Variants in RIN2 observed in about 807,000 individuals in gnomAD.
The protein encoded by RIN2 is Ras and Rab interactor 2.
Under a neutral mutation model 78.0 loss-of-function variants are expected in RIN2, and 36 were observed. The observed-to-expected ratio is 0.46, with a 90% CI of 0.35 to 0.61. The LOEUF is 0.61. Ranked by LOEUF, RIN2 falls within the 20% of genes least tolerant of loss-of-function variation. RIN2 has a pLI of 0.00. For synonymous variants in RIN2, 466 were observed against 466.8 expected, an observed-to-expected ratio of 1.00 and a Z score of 0.02; for missense variants, 1,087 against 1,159.7, an observed-to-expected ratio of 0.94 and a Z score of 0.91.
intron 2 of RIN2, among the ~76,000 whole-genome samples, chr20:19,821,313 C>T (rs1005363943): frequency 2.0e-5 from 3 of 152,168 alleles, no homozygotes; most frequent in Non-Finnish European, 4.4e-5. Context: ...CCACTATCCA[C>T]TCAAGTTTCC....
chr20:19,789,666 A>G (rs2034826963), intron 1 of RIN2, among the ~76,000 whole-genome samples: 1 of 152,124 alleles, frequency 6.6e-6, no homozygotes, highest in South Asian at 2.1e-4. Context: ...GCCTCCTCCC[A>G]TGGGGTCGTA....
rs146226390 is a variant in RIN2, at chr20:19,983,736, G to A, written c.1763-6270G>A. On this transcript the variant is annotated intron_variant, in intron 9 of 12. Coordinates refer to ENST00000255006, the MANE Select transcript of RIN2 (RefSeq NM_018993.4). Reference sequence around the variant, plus strand: ...CAGAATTCTAACATGCATATGTTGCGTAGTGATGAAGTCTGGGCTTCTGGT... The same window carrying A: ...CAGAATTCTAACATGCATATGTTGCATAGTGATGAAGTCTGGGCTTCTGGT... 4.5e-3 allele frequency among the ~76,000 whole-genome samples: 691 copies of A among 152,142 alleles called. 6 individuals carry two copies. The highest frequency in any genetic ancestry group is 0.015 in the African/African-American group (609 of 41,472).
At chr20:19,823,984 G>T in intron 2 of RIN2, 2 of 1,286,146 alleles carry the variant, frequency 1.6e-6, no homozygotes, top group Non-Finnish European at 2.2e-6. Context: ...GATTCAGGAC[G>T]ACCGAAGAAA....
chr20:19,904,262 A>AT (rs1568592300), intron 3 of RIN2, among the ~76,000 whole-genome samples: 3 of 147,266 alleles, frequency 2.0e-5, no homozygotes, highest in African/African-American at 7.4e-5. Context: ...TATATATATA[A>AT]AATATATATA....
At chr20:19,776,351 T>A (rs541882935) in intron 1 of RIN2, among the ~76,000 whole-genome samples, 7 of 152,180 alleles carry the variant, frequency 4.6e-5, no homozygotes, top group Non-Finnish European at 8.8e-5. Flanking sequence ...GAGGCTTTAT[T>A]TGCATGACAA....
chr20:19,928,101 C>A (rs1206076914), intron 3 of RIN2, among the ~76,000 whole-genome samples: 1 of 152,190 alleles, frequency 6.6e-6, no homozygotes, highest in Non-Finnish European at 1.5e-5. Flanking sequence ...CAGGGTTTCA[C>A]CATGTTGGCC....
chr20:19,953,808 A>G (rs1270974077), intron 4 of RIN2, among the ~76,000 whole-genome samples: 3 of 152,194 alleles, frequency 2.0e-5, no homozygotes, highest in Non-Finnish European at 4.4e-5. Flanking sequence ...TATGAAAGGA[A>G]TTTTAACACC....
At chr20:19,939,626 A>T (rs898372427) in intron 4 of RIN2, among the ~76,000 whole-genome samples, 9 of 152,010 alleles carry the variant, frequency 5.9e-5, no homozygotes, top group African/African-American at 1.9e-4. Flanking sequence ...CTTCTCTAGC[A>T]TTCTCTCCCC....
At chr20:19,913,861 G>A (rs1378626958) in intron 3 of RIN2, among the ~76,000 whole-genome samples, 1 of 152,188 alleles carries the variant, frequency 6.6e-6, no homozygotes, top group African/African-American at 2.4e-5. Context: ...TCTACCTTTT[G>A]ACTGTGGGAA....
At chr20:19,956,250 T>A (rs1600936434) in intron 4 of RIN2, among the ~76,000 whole-genome samples, 3 of 61,160 alleles carry the variant, frequency 4.9e-5, no homozygotes, top group East Asian at 5.8e-4. Flanking sequence ...AGAATAAGAC[T>A]CCATCTCAAA....
intron 3 of RIN2, among the ~76,000 whole-genome samples, chr20:19,919,206 C>T (rs553996958): frequency 6.6e-6 from 1 of 152,216 alleles, no homozygotes; most frequent in South Asian, 2.1e-4. Flanking sequence ...AGGGAGAGCT[C>T]AGGATGCTGG....
At chr20:19,873,973 A>C (rs13038803) in intron 2 of RIN2, among the ~76,000 whole-genome samples, 24,590 of 152,102 alleles carry the variant, frequency 0.16, 2,498 homozygotes, top group East Asian at 0.27. Context: ...GCTGAGGATG[A>C]ATGAAGCTCT....
At chr20:19,870,845 G>T (rs1333363850) in intron 2 of RIN2, among the ~76,000 whole-genome samples, 1 of 152,104 alleles carries the variant, frequency 6.6e-6, no homozygotes, top group African/African-American at 2.4e-5. Context: ...TTCTTCTAGG[G>T]CATCACGTCT....
rs2043134184 is a variant in RIN2 at position 20,001,276 on chromosome 20, C to A, written c.*340C>A. 7 of 197,198 alleles carry A rather than the reference C, an allele frequency of 3.5e-5. No homozygotes were observed. In the South Asian group the frequency reaches 1.1e-3, roughly 32 times the overall value. 12.2% of individuals were successfully genotyped at this position (197,198 alleles called of 1,614,324 possible). A position where few individuals can be genotyped will look rare whatever the true frequency, so the allele number is the denominator to read the frequency against. On this transcript the variant is annotated 3_prime_UTR_variant, in exon 13 of 13. Transcript: ENST00000255006. ...CTTAAGATACAAGTTCTTTTGAATTCAACAGCAGATGCTTGCGATGCAGTG... is the reference window on the plus strand; with the variant it reads ...CTTAAGATACAAGTTCTTTTGAATTAAACAGCAGATGCTTGCGATGCAGTG...
intron 12 of RIN2, among the ~76,000 whole-genome samples, chr20:19,997,496 C>T (rs1262347447): frequency 2.0e-5 from 3 of 152,174 alleles, no homozygotes; most frequent in African/African-American, 2.4e-5. Flanking sequence ...TCAGGGCTCA[C>T]GCCTGTAATC....
At chr20:19,900,810 C>T (rs1042695185) in intron 3 of RIN2, among the ~76,000 whole-genome samples, 7 of 151,176 alleles carry the variant, frequency 4.6e-5, no homozygotes, top group South Asian at 2.1e-4. Context: ...ATGAGCCAGG[C>T]GTGGTGGCGC....
intron 1 of RIN2, among the ~76,000 whole-genome samples, chr20:19,777,619 T>A (rs1273767930): frequency 6.6e-6 from 1 of 152,246 alleles, no homozygotes; most frequent in Admixed American, 6.5e-5. Context: ...AGAGCAGAGA[T>A]GTTCGCCATG....
At chr20:19,774,328 A>G (rs1253534014) in intron 1 of RIN2, among the ~76,000 whole-genome samples, 1 of 152,076 alleles carries the variant, frequency 6.6e-6, no homozygotes, top group Non-Finnish European at 1.5e-5. Context: ...ACACAACCCA[A>G]CTCTGATTTA....
chr20:19,794,245 T>C (rs1004091665), intron 1 of RIN2, among the ~76,000 whole-genome samples: 1 of 152,154 alleles, frequency 6.6e-6, no homozygotes, highest in Non-Finnish European at 1.5e-5. Flanking sequence ...GTGGCCTGCA[T>C]GTGCAAATCT....
Sources: allele counts gnomAD v4.1 joint callset (sites outside exome capture counted in the v4.1 genomes callset), GRCh38; gene constraint gnomAD v4.1.1; transcripts MANE v1.5; gene names NCBI Gene and HGNC (gene_info 2026-07-23, HGNC 2026-07-21).